Variants in ZIM2 observed in about 807,000 individuals in gnomAD.
The protein encoded by ZIM2 is zinc finger imprinted 2.
A neutral mutation model predicts 38.6 loss-of-function variants in ZIM2; 14 were observed. The observed-to-expected ratio is 0.36, with a 90% CI of 0.24 to 0.57. The LOEUF (loss-of-function observed/expected upper bound fraction) is 0.57, where lower values mean the gene tolerates loss of function less well. Ranked by LOEUF, ZIM2 falls within the 20% of genes least tolerant of loss-of-function variation. The pLI is 0.81. For synonymous variants in ZIM2, 247 were observed against 245.8 expected (o/e 1.00, Z -0.04); for missense variants, 680 against 695.1 (o/e 0.98, Z 0.24).
chr19:56,836,969 C>CA (rs573566620), intron 1 of ZIM2, among the ~76,000 whole-genome samples: 3,502 of 116,170 alleles, frequency 0.03, 155 homozygotes, highest in East Asian at 0.086. Context: ...GACTCTGTCT[C>CA]AAAAAAAAAA....
intron 2 of ZIM2, among the ~76,000 whole-genome samples, chr19:56,827,078 T>A (rs1188678052): frequency 6.6e-6 from 1 of 152,104 alleles, no homozygotes; most frequent in Non-Finnish European, 1.5e-5. Flanking sequence ...TCTAAAAAGC[T>A]GAAATAATGT....
intron 9 of ZIM2, among the ~76,000 whole-genome samples, chr19:56,792,625 A>C (rs1236398625): frequency 6.6e-6 from 1 of 151,896 alleles, no homozygotes; most frequent in Non-Finnish European, 1.5e-5. Flanking sequence ...CATGGACTCT[A>C]AGACGGGAAC....
intron 12 of ZIM2, among the ~76,000 whole-genome samples, chr19:56,776,217 T>C (rs956649995): frequency 2.0e-5 from 3 of 148,918 alleles, no homozygotes; most frequent in Admixed American, 1.3e-4. Context: ...TTGTACAGAG[T>C]AGAATGAGCA....
chr19:56,775,475 A>G lies in ZIM2; in HGVS notation c.890T>C (p.Leu297Ser), dbSNP rs2045949778. 1 of 1,613,824 alleles carries G rather than the reference A, an allele frequency of 6.2e-7. No homozygotes were observed. Among genetic ancestry groups the G allele is most frequent in the Non-Finnish European group, 8.5e-7 (1 of 1,179,994 alleles). The change falls in exon 13 of 13, where the codon TTG (leucine) becomes TCG (serine). Residue 297 changes from leucine to serine, a missense_variant. Coordinates refer to ENST00000629319, the MANE Select transcript of ZIM2 (RefSeq NM_001387356.1). ...EPHQGNQEKL[L>S]TPITMNDPKT... The stretch of plus-strand genomic sequence containing the variant: ...GGGGTCATTCATTGTTATAGGAGTC[A>G]AAAGTTTCTCTTGGTTGCCCTGGTG...
At chr19:56,828,882 C>A (rs2061311534) in intron 2 of ZIM2, among the ~76,000 whole-genome samples, 1 of 152,082 alleles carries the variant, frequency 6.6e-6, no homozygotes, top group Admixed American at 6.5e-5. Context: ...AAAATTGATG[C>A]TAGTGAGGGT....
At chr19:56,805,217 A>G (rs906424296) in intron 9 of ZIM2, among the ~76,000 whole-genome samples, 1 of 152,200 alleles carries the variant, frequency 6.6e-6, no homozygotes, top group African/African-American at 2.4e-5. Flanking sequence ...CAGTTGTGAC[A>G]ACCAGAAATG....
At chr19:56,835,731 G>C (rs912947672) in intron 2 of ZIM2, among the ~76,000 whole-genome samples, 1 of 152,236 alleles carries the variant, frequency 6.6e-6, no homozygotes, top group Non-Finnish European at 1.5e-5. Flanking sequence ...ATGAGTGGAT[G>C]AATCTCTCAT....
intron 8 of ZIM2, among the ~76,000 whole-genome samples, chr19:56,818,386 C>G (rs931851572): frequency 1.3e-5 from 2 of 152,154 alleles, no homozygotes; most frequent in African/African-American, 4.8e-5. Context: ...TTGTCCCCAC[C>G]CTGTACAATG....
intron 9 of ZIM2, chr19:56,810,056 A>G (rs748556323): frequency 1.5e-6 from 1 of 666,916 alleles, no homozygotes; most frequent in South Asian, 6.8e-5. Flanking sequence ...CCCAAAAACA[A>G]AACAGACAAA....
chr19:56,777,982 C>T (rs1409878999), intron 12 of ZIM2, among the ~76,000 whole-genome samples: 6 of 152,114 alleles, frequency 3.9e-5, no homozygotes, highest in Non-Finnish European at 7.3e-5. Flanking sequence ...ACTTGCTGTT[C>T]GCTCTGCCTG....
chr19:56,782,647 T>C (rs1459375859), intron 10 of ZIM2, among the ~76,000 whole-genome samples: 1 of 152,188 alleles, frequency 6.6e-6, no homozygotes, highest in Non-Finnish European at 1.5e-5. Flanking sequence ...ATATAAAACA[T>C]GGATCCACTG....
chr19:56,824,733 C>G (rs2060854550), intron 3 of ZIM2: 3 of 1,366,676 alleles, frequency 2.2e-6, no homozygotes, highest in Non-Finnish European at 2.0e-6. Flanking sequence ...ACCGTCAGTA[C>G]TCAGGGACCT....
Position 56,823,692 on chromosome 19 carries a change from C to G in ZIM2, c.17-13G>C. On this transcript the variant is annotated splice_polypyrimidine_tract_variant and intron_variant, in intron 4 of 12. Transcript: ENST00000629319. ...CTGTTGTTGTCGTCTAAGAGGACAC[C>G]GGTCGCCAAGTTACTATCTCTGGCC... The G allele has an allele frequency of 6.2e-7, 1 of 1,614,124 alleles. No homozygotes were observed. Among genetic ancestry groups the G allele is most frequent in the Non-Finnish European group, 8.5e-7 (1 of 1,179,996 alleles).
rs368693431 is a variant in ZIM2 at position 56,815,374 on chromosome 19, T to G, written c.490+2372A>C. On this transcript the variant is annotated intron_variant, in intron 9 of 12. Transcript: ENST00000629319. ...GTTCCGCGCTTGCTCTTTAGCATAC[T>G]GCTCTTGGGCGTAACTTGTTTGAGG... 4.8e-5 allele frequency: 77 copies of G among 1,614,250 alleles called. No individual in the cohort carries two copies. The African/African-American group carries it at 9.5e-4, about 20-fold the overall frequency.
chr19:56,820,056 T>A (rs759189024), intron 7 of ZIM2, among the ~76,000 whole-genome samples: 11 of 152,224 alleles, frequency 7.2e-5, no homozygotes, highest in Admixed American at 1.3e-4. Flanking sequence ...CACGCTTTGA[T>A]TGAAAATTAA....
intron 9 of ZIM2, among the ~76,000 whole-genome samples, chr19:56,803,672 A>G (rs1054336894): frequency 1.3e-5 from 2 of 152,226 alleles, no homozygotes; most frequent in African/African-American, 2.4e-5. Context: ...ACCAGCCCAC[A>G]TGGCAATAGT....
chr19:56,795,400 G>A (rs1393568971), intron 9 of ZIM2, among the ~76,000 whole-genome samples: 1 of 152,176 alleles, frequency 6.6e-6, no homozygotes, highest in Non-Finnish European at 1.5e-5. Context: ...CCCCAGCCCC[G>A]CCCAGGCCCC....
rs116368916 is a variant in ZIM2 at position 56,775,560 on chromosome 19, G to A, written c.836-31C>T. 5.8e-3 allele frequency: 9,097 copies of A among 1,563,360 alleles called. 339 individuals are homozygous for A. The Admixed American group carries it at 0.07, about 12-fold the overall frequency. On this transcript the variant is annotated intron_variant, in intron 12 of 12. Transcript: ENST00000629319. ...GAGACAATGCCAGAAGTTACCTACCGCCCAATTATCCAATCCTGCCCCCCA... is the reference window on the plus strand; with the variant it reads ...GAGACAATGCCAGAAGTTACCTACCACCCAATTATCCAATCCTGCCCCCCA...
At chr19:56,832,385 G>A (rs1018232234) in intron 2 of ZIM2, among the ~76,000 whole-genome samples, 2 of 151,952 alleles carry the variant, frequency 1.3e-5, no homozygotes, top group Non-Finnish European at 2.9e-5. Flanking sequence ...ACCACAGAGG[G>A]GGCTAACACG....
Sources: gnomAD v4.1 joint callset for allele counts (sites outside exome capture counted in the v4.1 genomes callset) on GRCh38, gnomAD v4.1.1 for gene constraint, MANE v1.5 for transcripts, NCBI Gene and HGNC (gene_info 2026-07-23, HGNC 2026-07-21) for gene names.